DAAM1: variants seen among roughly 807,000 people sequenced by gnomAD.
The protein encoded by DAAM1 is dishevelled associated activator of morphogenesis 1.
A neutral mutation model predicts 130.0 loss-of-function variants in DAAM1; 52 were observed. The ratio of observed to expected loss-of-function variants is 0.40; its 90% CI spans 0.32 to 0.50. The LOEUF (loss-of-function observed/expected upper bound fraction) is 0.50, where lower values mean the gene tolerates loss of function less well. Ranked by LOEUF, DAAM1 falls within the 20% of genes least tolerant of loss-of-function variation. The pLI is 0.61. For missense variants in DAAM1, 1,134 were observed against 1,303.8 expected (o/e 0.87, Z 2.01); for synonymous variants, 452 against 444.5 (o/e 1.02, Z -0.21).
intron 12 of DAAM1, among the ~76,000 whole-genome samples, chr14:59,328,384 T>C (rs558039531): frequency 6.6e-6 from 1 of 152,196 alleles, no homozygotes; most frequent in Non-Finnish European, 1.5e-5. Context: ...GAGAAAATAG[T>C]CAATGAGTGG....
At chr14:59,337,741 C>T (rs1885682980) in intron 15 of DAAM1, among the ~76,000 whole-genome samples, 1 of 152,160 alleles carries the variant, frequency 6.6e-6, no homozygotes, top group Non-Finnish European at 1.5e-5. Flanking sequence ...GCACAACACA[C>T]GTATCACTGA....
chr14:59,221,597 G>A (rs999019981), intron 1 of DAAM1, among the ~76,000 whole-genome samples: 11 of 152,192 alleles, frequency 7.2e-5, no homozygotes, highest in Non-Finnish European at 1.5e-4. Flanking sequence ...TAGTTGCTGG[G>A]CATGGTAATA....
intron 17 of DAAM1, among the ~76,000 whole-genome samples, chr14:59,350,195 C>G (rs771829053): frequency 6.6e-6 from 1 of 152,124 alleles, no homozygotes; most frequent in Non-Finnish European, 1.5e-5. Flanking sequence ...TGTCTTCCCC[C>G]ACTTCCGTCC....
intron 1 of DAAM1, among the ~76,000 whole-genome samples, chr14:59,248,906 G>A (rs1235339389): frequency 1.3e-5 from 2 of 152,138 alleles, no homozygotes; most frequent in Non-Finnish European, 2.9e-5. Context: ...TCCTGCCTCA[G>A]CCTCCCAAGT....
At chr14:59,277,974 A>G (rs1026850626) in intron 2 of DAAM1, among the ~76,000 whole-genome samples, 3 of 152,102 alleles carry the variant, frequency 2.0e-5, no homozygotes, top group Non-Finnish European at 2.9e-5. Flanking sequence ...CGCTATATAT[A>G]CTATGTTTTT....
At chr14:59,196,091 G>T (rs557867959) in intron 1 of DAAM1, among the ~76,000 whole-genome samples, 204 of 152,284 alleles carry the variant, frequency 1.3e-3, no homozygotes, top group African/African-American at 4.6e-3. Flanking sequence ...TGAAGATTAG[G>T]TCAGGACTAG....
chr14:59,218,520 T>A (rs1888663179), intron 1 of DAAM1, among the ~76,000 whole-genome samples: 1 of 152,250 alleles, frequency 6.6e-6, no homozygotes, highest in South Asian at 2.1e-4. Flanking sequence ...TTGCTCATAT[T>A]CAAATGCAAG....
chr14:59,275,637 A>G (rs17096010), intron 2 of DAAM1, among the ~76,000 whole-genome samples: 1,879 of 152,316 alleles, frequency 0.012, 41 homozygotes, highest in African/African-American at 0.044. Context: ...TTAACGGTAA[A>G]AAAGCTGAAT....
chr14:59,291,355 C>T, intron 3 of DAAM1, 49 bp downstream of exon 3: 1 of 1,422,038 alleles, frequency 7.0e-7, no homozygotes, highest in Non-Finnish European at 9.7e-7. Context: ...ATCATTGATT[C>T]CATTTGCTCT....
At chr14:59,310,685 C>T (rs1414274689) in intron 3 of DAAM1, among the ~76,000 whole-genome samples, 1 of 152,154 alleles carries the variant, frequency 6.6e-6, no homozygotes, top group Non-Finnish European at 1.5e-5. Flanking sequence ...TACTGTATCT[C>T]CACTATATTT....
chr14:59,195,924 C>T (rs1422461383), intron 1 of DAAM1, among the ~76,000 whole-genome samples: 2 of 151,344 alleles, frequency 1.3e-5, no homozygotes, highest in Non-Finnish European at 2.9e-5. Flanking sequence ...GGGGACTAGA[C>T]TGTACATTGT....
chr14:59,294,075 A>G (rs1392940410), intron 3 of DAAM1, among the ~76,000 whole-genome samples: 1 of 152,224 alleles, frequency 6.6e-6, no homozygotes, highest in Non-Finnish European at 1.5e-5. Context: ...ATTAGAATAC[A>G]GGGCATTACA....
chr14:59,273,452 T>TA (rs1230960754), intron 2 of DAAM1, among the ~76,000 whole-genome samples: 4 of 152,202 alleles, frequency 2.6e-5, no homozygotes, highest in Non-Finnish European at 5.9e-5. Flanking sequence ...TACTATACTA[T>TA]AAAACTATCT....
chr14:59,223,156 G>A (rs1594765629), intron 1 of DAAM1, among the ~76,000 whole-genome samples: 1 of 152,338 alleles, frequency 6.6e-6, no homozygotes, highest in African/African-American at 2.4e-5. Flanking sequence ...GCAGGAGTGG[G>A]GACTGTGGGC....
chr14:59,210,176 A>G (rs986617290), intron 1 of DAAM1, among the ~76,000 whole-genome samples: 7 of 152,108 alleles, frequency 4.6e-5, no homozygotes, highest in African/African-American at 1.7e-4. Flanking sequence ...ACCAAAACCA[A>G]AACAACAACA....
At chr14:59,294,597 A>C (rs1327291685) in intron 3 of DAAM1, among the ~76,000 whole-genome samples, 1 of 152,084 alleles carries the variant, frequency 6.6e-6, no homozygotes, top group African/African-American at 2.4e-5. Flanking sequence ...GAAAGGTCCA[A>C]AAAGGGTTCT....
chr14:59,232,046 G>C (rs1313589596), intron 1 of DAAM1, among the ~76,000 whole-genome samples: 1 of 152,188 alleles, frequency 6.6e-6, no homozygotes, highest in Non-Finnish European at 1.5e-5. Flanking sequence ...TTTACAGAGA[G>C]GAAACAGATA....
At chr14:59,322,860 A>ACT in intron 5 of DAAM1, 32 bp from the exon 6 acceptor site, 1 of 1,558,234 alleles carries the variant, frequency 6.4e-7, no homozygotes, top group East Asian at 2.3e-5. Flanking sequence ...ACCCAAAGGC[A>ACT]CTTAAGCATG....
At position 59,291,197 on chromosome 14, in the gene DAAM1, A is replaced by C. The variant is rs774162420; in HGVS notation, c.184-20A>C. 6.3e-7 allele frequency: 1 copy of C among 1,591,880 alleles called. No individual in the cohort carries two copies. The highest frequency in any genetic ancestry group is 1.1e-5 in the South Asian group (1 of 87,172). ...ATAATGTTTATCCTATGAAACACTA[A>C]TTATTTTCTTTCTTCTCAGGATGAA... On this transcript the variant is annotated intron_variant, in intron 2 of 24. Coordinates refer to ENST00000360909, the MANE Select transcript of DAAM1 (RefSeq NM_001270520.2).
Sources: allele counts gnomAD v4.1 joint callset (sites outside exome capture counted in the v4.1 genomes callset), GRCh38; gene constraint gnomAD v4.1.1; transcripts MANE v1.5; gene names NCBI Gene and HGNC (gene_info 2026-07-23, HGNC 2026-07-21).